The following RGS7 variants were observed in gnomAD, a reference collection of about 807,000 sequenced individuals.
The protein encoded by RGS7 is regulator of G protein signaling 7.
Under a neutral mutation model 81.1 loss-of-function variants are expected in RGS7, and 27 were observed. The ratio of observed to expected loss-of-function variants is 0.33; its 90% confidence interval spans 0.25 to 0.46. The LOEUF is 0.46. Among genes scored for constraint, RGS7 ranks in the 20% least tolerant of loss-of-function variants. The pLI, the probability that RGS7 is intolerant of heterozygous loss-of-function variation, is 1.00. For synonymous variants in RGS7, 208 were observed against 207.7 expected (o/e 1.00, Z -0.01); for missense variants, 396 against 607.4 (o/e 0.65, Z 3.66).
intron 2 of RGS7, among the ~76,000 whole-genome samples, chr1:241,162,644 C>T (rs776992443): frequency 1.8e-4 from 27 of 152,168 alleles, no homozygotes; most frequent in Non-Finnish European, 1.6e-4. Context: ...GTATCTCTCC[C>T]GCTGCCTTAA....
intron 4 of RGS7, among the ~76,000 whole-genome samples, chr1:240,949,799 G>A (rs1679247458): frequency 8.0e-6 from 1 of 125,672 alleles, no homozygotes. Flanking sequence ...AGTGAGCCAA[G>A]ATAGGGCCAC....
intron 2 of RGS7, among the ~76,000 whole-genome samples, chr1:241,100,883 C>A (rs150626379): frequency 1.1e-3 from 174 of 152,304 alleles, no homozygotes; most frequent in African/African-American, 3.9e-3. Context: ...TACCCTAATC[C>A]CCTTGCCTTG....
intron 18 of RGS7, among the ~76,000 whole-genome samples, chr1:240,789,724 T>C (rs1158491365): frequency 1.3e-5 from 2 of 152,204 alleles, no homozygotes; most frequent in Non-Finnish European, 2.9e-5. Flanking sequence ...TGTTTCCTGA[T>C]AAGATGTTAT....
intron 2 of RGS7, among the ~76,000 whole-genome samples, chr1:241,290,888 T>A (rs1297965877): frequency 6.6e-6 from 1 of 152,234 alleles, no homozygotes; most frequent in Non-Finnish European, 1.5e-5. Context: ...TAATATGGCA[T>A]TACAACTTAC....
chr1:240,969,133 A>T (rs1008959994), intron 4 of RGS7, among the ~76,000 whole-genome samples: 2 of 152,114 alleles, frequency 1.3e-5, no homozygotes, highest in Admixed American at 1.3e-4. Context: ...TCTAGGCCTT[A>T]TTAGCTTTAT....
intron 9 of RGS7, among the ~76,000 whole-genome samples, chr1:240,832,284 A>G (rs1693986969): frequency 6.6e-6 from 1 of 152,218 alleles, no homozygotes; most frequent in Non-Finnish European, 1.5e-5. Flanking sequence ...TGTTGGATGT[A>G]AGGAATAATG....
At position 241,144,550 on chromosome 1, in the gene RGS7, G is replaced by GT. The variant is rs1220590725; in HGVS notation, c.79-45789dup. ...CATGGAGGCAGGGTGTTAACCTGCT[G>GT]TGTGACTGCTTTCAAAGAGCCAGCA... On this transcript the variant is annotated intron_variant, in intron 2 of 18. Coordinates refer to ENST00000440928, the MANE Select transcript of RGS7 (RefSeq NM_001364886.1). This position sits in a 1 kb window ranked among gnomAD's most constrained non-coding sequence, Gnocchi z 4.7. 3.9e-5 allele frequency among the ~76,000 whole-genome samples: 6 copies of GT among 152,186 alleles called. No individual in the cohort carries two copies. The highest frequency in any genetic ancestry group is 1.4e-4 in the African/African-American group (6 of 41,448).
At chr1:241,122,783 A>G (rs2066379896) in intron 2 of RGS7, among the ~76,000 whole-genome samples, 1 of 152,210 alleles carries the variant, frequency 6.6e-6, no homozygotes, top group African/African-American at 2.4e-5. Context: ...AATCTAAGAC[A>G]AAGCCTATTT....
At chr1:241,344,451 T>C (rs942073080) in intron 2 of RGS7, among the ~76,000 whole-genome samples, 3 of 152,208 alleles carry the variant, frequency 2.0e-5, no homozygotes, top group African/African-American at 7.2e-5. Flanking sequence ...TGAAGAACTG[T>C]TATTTATACA....
At chr1:241,136,745 T>G (rs2067549477) in intron 2 of RGS7, among the ~76,000 whole-genome samples, 1 of 152,226 alleles carries the variant, frequency 6.6e-6, no homozygotes, top group South Asian at 2.1e-4. Context: ...TCAGCTCAAG[T>G]GCATTTGTGA....
rs1439413513 is a variant in RGS7, at chr1:241,106,770, A to ACACACACACACACACACACACACACCCC, written c.79-8009_79-8008insGGGGTGTGTGTGTGTGTGTGTGTGTGTG. Among the ~76,000 whole-genome samples, 162 of 149,496 alleles carry ACACACACACACACACACACACACACCCC rather than the reference A, an allele frequency of 1.1e-3. 1 individual carries two copies. Among genetic ancestry groups the ACACACACACACACACACACACACACCCC allele is most frequent in the African/African-American group, 3.8e-3 (156 of 40,520 alleles). ...ACCACCACCACACACACACACACAC[A>ACACACACACACACACACACACACACCCC]CACACACACACACGATAACATAACT... On this transcript the variant is annotated intron_variant, in intron 2 of 18. Transcript: ENST00000440928.
intron 9 of RGS7, among the ~76,000 whole-genome samples, chr1:240,839,202 C>G (rs571413723): frequency 1.3e-5 from 2 of 152,268 alleles, no homozygotes; most frequent in East Asian, 3.9e-4. Context: ...TTTTGCTGCT[C>G]TCAGCATCCT....
At chr1:240,836,733 T>TG (rs1558329369) in intron 9 of RGS7, among the ~76,000 whole-genome samples, 2 of 152,240 alleles carry the variant, frequency 1.3e-5, no homozygotes, top group African/African-American at 4.8e-5. Flanking sequence ...CATTTGCCCT[T>TG]GGCCTGTCCT....
At chr1:241,190,065 T>A (rs190328159) in intron 2 of RGS7, among the ~76,000 whole-genome samples, 2,422 of 152,026 alleles carry the variant, frequency 0.016, 64 homozygotes, top group African/African-American at 0.055. Flanking sequence ...ATGGCGCCAC[T>A]GCACTCCAGC....
intron 3 of RGS7, among the ~76,000 whole-genome samples, chr1:241,052,885 G>A (rs559908744): frequency 7.2e-5 from 11 of 151,812 alleles, no homozygotes; most frequent in South Asian, 2.1e-4. Context: ...CATGTCATCC[G>A]TGTGCCAGAA....
Position 241,087,970 on chromosome 1 carries a change from CTCTCTCTA to C in RGS7, c.175+10688_175+10695del, listed in dbSNP as rs879343919. 3.1e-3 allele frequency among the ~76,000 whole-genome samples: 274 copies of C among 87,530 alleles called. 1 individual carries two copies. Among genetic ancestry groups the C allele is most frequent in the African/African-American group, 7.8e-3 (183 of 23,600 alleles). The allele number at this position is 87,530 out of a possible 152,430, so 57.4% of individuals were successfully genotyped here. On this transcript the variant is annotated intron_variant, in intron 3 of 18. Transcript: ENST00000440928. ...TCTCTCTCTCTCTCTCTCTCTCTCT[CTCTCTCTA>C]TATATATATATATATATACACACAC...
At chr1:241,005,158 A>G (rs752824199) in intron 3 of RGS7, among the ~76,000 whole-genome samples, 5 of 152,180 alleles carry the variant, frequency 3.3e-5, no homozygotes, top group Non-Finnish European at 7.3e-5. Context: ...GACTGTTCCA[A>G]TCTTTCACCA....
At chr1:241,306,148 ACT>A (rs1553314607) in intron 2 of RGS7, among the ~76,000 whole-genome samples, 46 of 142,986 alleles carry the variant, frequency 3.2e-4, no homozygotes, top group East Asian at 1.4e-3. Flanking sequence ...ACACACACAC[ACT>A]CACACACGTC....
intron 2 of RGS7, among the ~76,000 whole-genome samples, chr1:241,134,211 G>A (rs1048463283): frequency 3.3e-5 from 5 of 152,196 alleles, no homozygotes; most frequent in African/African-American, 1.2e-4. Context: ...GTATTGGGTA[G>A]CACCAACGAA....
Sources: allele counts gnomAD v4.1 joint callset (sites outside exome capture counted in the v4.1 genomes callset), GRCh38; gene constraint gnomAD v4.1.1; non-coding constraint Gnocchi (gnomAD v3.1); transcripts MANE v1.5; gene names NCBI Gene and HGNC (gene_info 2026-07-23, HGNC 2026-07-21).